The following RBFOX3 variants were observed in gnomAD, a reference collection of about 807,000 sequenced individuals.
RBFOX3 encodes the protein RNA binding fox-1 homolog 3, also known as RNA binding protein fox-1 homolog 3.
A neutral mutation model predicts 48.7 loss-of-function variants in RBFOX3; 17 were observed. The ratio of observed to expected loss-of-function variants is 0.35; its 90% CI spans 0.24 to 0.52. The LOEUF is 0.52. Ranked by LOEUF, RBFOX3 falls within the 20% of genes least tolerant of loss-of-function variation. The probability of loss-of-function intolerance (pLI) is 0.94; values close to 1 mark genes in which losing one functional copy is unlikely to be tolerated. For synonymous variants in RBFOX3, 212 were observed against 209.5 expected, an observed-to-expected ratio of 1.01 and a Z score of -0.10; for missense variants, 382 against 497.5, an observed-to-expected ratio of 0.77 and a Z score of 2.21.
chr17:79,542,061 T>C (rs1484014348), intron 1 of RBFOX3, among the ~76,000 whole-genome samples: 1 of 151,736 alleles, frequency 6.6e-6, no homozygotes, highest in East Asian at 2.0e-4. Context: ...TCATGTATTG[T>C]TTATCGTGCA....
rs2057199934 is a variant in RBFOX3 at position 79,204,275 on chromosome 17, G to A, written c.-34+31491C>T. Among the ~76,000 whole-genome samples, 1 of 152,066 alleles carries A rather than the reference G, an allele frequency of 6.6e-6. No homozygotes were observed. Among genetic ancestry groups the A allele is most frequent in the African/African-American group, 2.4e-5 (1 of 41,386 alleles). On this transcript the variant is annotated intron_variant, in intron 4 of 14. Coordinates refer to ENST00000693108, the MANE Select transcript of RBFOX3 (RefSeq NM_001350451.2). The surrounding 1 kb of genome is among the most constrained non-coding windows in gnomAD (Gnocchi z 4.5). ...ACCCAGTGGATACACACCAGTGGAC[G>A]CCGGGGAGCGGACACACACCAGCGG...
rs1211819772 is a variant in RBFOX3 at position 79,249,914 on chromosome 17, C to A, written c.-73-14109G>T. On this transcript the variant is annotated intron_variant, in intron 3 of 14. Transcript: ENST00000693108. The surrounding 1 kb of genome is among the most constrained non-coding windows in gnomAD (Gnocchi z 4.1). Reference sequence around the variant, plus strand: ...CAAATTCCAGGTATCCTTAGATCCCCACCAGCCTCACCATCCTAGCTGCAC... The same window carrying A: ...CAAATTCCAGGTATCCTTAGATCCCAACCAGCCTCACCATCCTAGCTGCAC... Among the ~76,000 whole-genome samples the A allele has an allele frequency of 6.6e-6, 1 of 152,138 alleles. No homozygotes were observed. Among genetic ancestry groups the A allele is most frequent in the Non-Finnish European group, 1.5e-5 (1 of 68,018 alleles).
intron 5 of RBFOX3, among the ~76,000 whole-genome samples, chr17:79,114,264 C>T (rs887090140): frequency 1.3e-5 from 2 of 152,158 alleles, no homozygotes; most frequent in African/African-American, 4.8e-5. Flanking sequence ...GGAAGCTTGG[C>T]CCCTGCTTCT....
chr17:79,585,545 G>A (rs929415032), intron 1 of RBFOX3, among the ~76,000 whole-genome samples: 5 of 152,004 alleles, frequency 3.3e-5, no homozygotes, highest in Admixed American at 2.6e-4. Context: ...CGACAACAGC[G>A]AGACTCCTTC....
In RBFOX3 at chr17:79,299,405, T is replaced by A. The variant is rs2074951708; in HGVS notation, c.-74+8319A>T. On this transcript the variant is annotated intron_variant, in intron 3 of 14. Transcript: ENST00000693108. This position sits in a 1 kb window ranked among gnomAD's most constrained non-coding sequence, Gnocchi z 4.5. ...GATTAAACCAACCACAGGTCAAAAG[T>A]ATTAGAAAAATAAATAAAAATAATG... Among the ~76,000 whole-genome samples, 1 of 151,944 alleles carries A rather than the reference T, an allele frequency of 6.6e-6. No homozygotes were observed. Among genetic ancestry groups the A allele is most frequent in the African/African-American group, 2.4e-5 (1 of 41,366 alleles).
chr17:79,226,474 G>A (rs1341251459), intron 4 of RBFOX3, among the ~76,000 whole-genome samples: 1 of 152,172 alleles, frequency 6.6e-6, no homozygotes, highest in Non-Finnish European at 1.5e-5. Context: ...TTCCTGGCCT[G>A]ATGAGCAGTC....
At chr17:79,510,814 G>A (rs1397874346) in intron 1 of RBFOX3, among the ~76,000 whole-genome samples, 3 of 152,154 alleles carry the variant, frequency 2.0e-5, no homozygotes, top group African/African-American at 7.2e-5. Flanking sequence ...GGAGGGCAGG[G>A]GAGGGCAGCC....
At position 79,423,658 on chromosome 17, in the gene RBFOX3, GC is replaced by G. The variant is rs1325088270; in HGVS notation, c.-175+58795del. 1.3e-5 allele frequency: 2 copies of G among 152,310 alleles called. No individual in the cohort carries two copies. The highest frequency in any genetic ancestry group is 2.4e-5 in the African/African-American group (1 of 40,962). 9.4% of individuals were successfully genotyped at this position (152,310 alleles called of 1,614,324 possible). The stretch of plus-strand genomic sequence containing the variant: ...CATTTGCTTTTTCCCAGGAATGCCT[GC>G]CCCCCCGACCACCCCGTGCCCACAG... On this transcript the variant is annotated intron_variant, in intron 2 of 14. Coordinates refer to ENST00000693108, the MANE Select transcript of RBFOX3 (RefSeq NM_001350451.2). The surrounding 1 kb of genome is among the most constrained non-coding windows in gnomAD (Gnocchi z 4.9).
At chr17:79,355,144 A>T (rs530827702) in intron 2 of RBFOX3, among the ~76,000 whole-genome samples, 2 of 152,266 alleles carry the variant, frequency 1.3e-5, no homozygotes, top group East Asian at 3.9e-4. Context: ...AATCAACTTA[A>T]CACATTTAAC....
At chr17:79,163,920 G>C (rs1366318935) in intron 4 of RBFOX3, among the ~76,000 whole-genome samples, 1 of 152,238 alleles carries the variant, frequency 6.6e-6, no homozygotes. Context: ...CATGCAAACA[G>C]GCTGGGGCCA....
At chr17:79,608,619 G>C (rs1226283292) in intron 1 of RBFOX3, among the ~76,000 whole-genome samples, 2 of 152,112 alleles carry the variant, frequency 1.3e-5, no homozygotes, top group Non-Finnish European at 2.9e-5. Flanking sequence ...GTCTCGGCTT[G>C]GGTGCGTCCC....
At position 79,547,215 on chromosome 17, in the gene RBFOX3, G is replaced by A. The variant is rs184194841; in HGVS notation, c.-320+63611C>T. ...ATCACTCACGCCACTTTTGGAGGCCGAGGCAGGTGGATCACGAGGTCAAGA... is the reference window on the plus strand; with the variant it reads ...ATCACTCACGCCACTTTTGGAGGCCAAGGCAGGTGGATCACGAGGTCAAGA... On this transcript the variant is annotated intron_variant, in intron 1 of 14. Coordinates refer to ENST00000693108, the MANE Select transcript of RBFOX3 (RefSeq NM_001350451.2). Among the ~76,000 whole-genome samples, 115 of 152,270 alleles carry A rather than the reference G, an allele frequency of 7.6e-4. 1 individual carries two copies. The highest frequency in any genetic ancestry group is 2.1e-3 in the African/African-American group (88 of 41,562).
chr17:79,175,917 C>T (rs2050437730), intron 4 of RBFOX3, among the ~76,000 whole-genome samples: 1 of 152,224 alleles, frequency 6.6e-6, no homozygotes, highest in Admixed American at 6.5e-5. Context: ...GTGGACTCCC[C>T]ACTCTCTCTG....
At chr17:79,193,543 T>C (rs2054951514) in intron 4 of RBFOX3, among the ~76,000 whole-genome samples, 1 of 152,154 alleles carries the variant, frequency 6.6e-6, no homozygotes, top group Non-Finnish European at 1.5e-5. Context: ...CTTAAAAATA[T>C]TGTCTATGGA....
At chr17:79,619,476 C>A in the RBFOX3 span, among the ~76,000 whole-genome samples, 1 of 152,206 alleles carries the variant, frequency 6.6e-6, no homozygotes, top group Admixed American at 6.5e-5. Flanking sequence ...CTGACCTCCG[C>A]CTCTGTCTTC....
intron 2 of RBFOX3, among the ~76,000 whole-genome samples, chr17:79,410,251 G>C (rs910983831): frequency 6.6e-6 from 1 of 152,208 alleles, no homozygotes; most frequent in African/African-American, 2.4e-5. Flanking sequence ...TGGGACATAG[G>C]TTCTCCCCTG....
At chr17:79,464,144 G>A (rs1325361231) in intron 2 of RBFOX3, among the ~76,000 whole-genome samples, 7 of 152,268 alleles carry the variant, frequency 4.6e-5, no homozygotes, top group African/African-American at 1.7e-4. Flanking sequence ...ATGGGAAGAC[G>A]CAGGAGTGCA....
chr17:79,663,901 C>T, the RBFOX3 span, among the ~76,000 whole-genome samples: 1 of 152,106 alleles, frequency 6.6e-6, no homozygotes, highest in African/African-American at 2.4e-5. Flanking sequence ...GCCCAATCTT[C>T]GTGTTGAGTA....
intron 2 of RBFOX3, among the ~76,000 whole-genome samples, chr17:79,387,801 C>T (rs1241260039): frequency 7.2e-5 from 11 of 152,238 alleles, no homozygotes; most frequent in Admixed American, 6.5e-4. Context: ...GGGAAGAGCC[C>T]ACTCCTTCCC....
Sources: gnomAD v4.1 joint callset for allele counts (sites outside exome capture counted in the v4.1 genomes callset) on GRCh38, gnomAD v4.1.1 for gene constraint, Gnocchi (gnomAD v3.1) non-coding constraint, MANE v1.5 for transcripts, NCBI Gene and HGNC (gene_info 2026-07-23, HGNC 2026-07-21) for gene names.